Variants in PNPT1 observed in about 807,000 individuals in gnomAD.
PNPT1 encodes polyribonucleotide nucleotidyltransferase 1, mitochondrial.
In PNPT1, 53 loss-of-function variants were observed where a neutral mutation model predicts 119.5. The observed-to-expected ratio is 0.44, with a 90% CI of 0.36 to 0.56. The LOEUF is 0.56. Among genes scored for constraint, PNPT1 ranks in the 20% least tolerant of loss-of-function variants. The pLI, the probability that PNPT1 is intolerant of heterozygous loss-of-function variation, is 0.00. For synonymous variants in PNPT1, 357 were observed against 322.1 expected (o/e 1.11, Z -1.16); for missense variants, 948 against 938.5 (o/e 1.01, Z -0.13).
chr2:55,661,866 A>G (rs1250916645), intron 14 of PNPT1, 90 bp downstream of exon 14: 4 of 1,219,482 alleles, frequency 3.3e-6, no homozygotes, highest in Non-Finnish European at 4.4e-6. Flanking sequence ...GGTTAAAAAA[A>G]GTAACAATAA....
intron 1 of PNPT1, among the ~76,000 whole-genome samples, chr2:55,691,989 G>A (rs1232548905): frequency 6.8e-6 from 1 of 147,022 alleles, no homozygotes; most frequent in Non-Finnish European, 1.5e-5. Context: ...GGGTTCAACC[G>A]ATTCTCCTGC....
chr2:55,643,859 G>T (rs1355397134), intron 23 of PNPT1, among the ~76,000 whole-genome samples: 1 of 152,088 alleles, frequency 6.6e-6, no homozygotes, highest in Non-Finnish European at 1.5e-5. Context: ...ATTACTTTAG[G>T]AATGAAGGAA....
At chr2:55,684,719 G>C (rs1466800268) in intron 4 of PNPT1, among the ~76,000 whole-genome samples, 1 of 152,254 alleles carries the variant, frequency 6.6e-6, no homozygotes, top group Admixed American at 6.5e-5. Flanking sequence ...CCTATTCTGT[G>C]CTAAGCAGTA....
At chr2:55,657,356 C>A (rs929517538) in intron 15 of PNPT1, among the ~76,000 whole-genome samples, 2 of 151,738 alleles carry the variant, frequency 1.3e-5, no homozygotes, top group African/African-American at 4.8e-5. Flanking sequence ...CCCCAAATAT[C>A]TGTAATTCCA....
intron 25 of PNPT1, among the ~76,000 whole-genome samples, chr2:55,642,757 T>C (rs1257652342): frequency 1.3e-5 from 2 of 152,056 alleles, no homozygotes; most frequent in Non-Finnish European, 2.9e-5. Flanking sequence ...TGGCATGTAA[T>C]CTAAACACCT....
chr2:55,656,542 T>C (rs1696394157), intron 15 of PNPT1, among the ~76,000 whole-genome samples, 171 bp from the exon 16 acceptor site: 1 of 152,198 alleles, frequency 6.6e-6, no homozygotes, highest in Admixed American at 6.5e-5. Context: ...TTAACATACA[T>C]ACCAAATGGT....
intron 23 of PNPT1, among the ~76,000 whole-genome samples, chr2:55,644,315 GAATA>G (rs1196432585): frequency 1.3e-5 from 2 of 151,828 alleles, no homozygotes; most frequent in Non-Finnish European, 2.9e-5. Flanking sequence ...GAAAGTAGCA[GAATA>G]AAAAGAAATA....
rs1475068748 is a variant in PNPT1, at chr2:55,684,937, T to C, written c.403+6A>G. The C allele has an allele frequency of 1.3e-6, 2 of 1,560,550 alleles. No individual in the cohort carries two copies. Among genetic ancestry groups the C allele is most frequent in the Non-Finnish European group, 8.7e-7 (1 of 1,144,782 alleles). On this transcript the variant is annotated splice_donor_region_variant and intron_variant, in intron 4 of 27. Transcript: ENST00000447944. ...GAAGATGAACGCCTCTATGTTAATA[T>C]CTTACCTATTATTCGACTTGTTAGA...
intron 1 of PNPT1, among the ~76,000 whole-genome samples, chr2:55,688,762 AC>A (rs1180353586): frequency 2.8e-4 from 43 of 151,430 alleles, no homozygotes; most frequent in African/African-American, 5.3e-4. Flanking sequence ...AACAACAACA[AC>A]AACAAAAAAC....
Position 55,672,385 on chromosome 2 carries a change from CTT to C in PNPT1, c.867-341_867-340del, listed in dbSNP as rs889153486. Reference sequence around the variant, plus strand: ...TTTGGCTCCATTATCACATGAAACTCTTTTGCTAGAAAGAGTTAATTTAATTT... The same window carrying C: ...TTTGGCTCCATTATCACATGAAACTCTTGCTAGAAAGAGTTAATTTAATTT... On this transcript the variant is annotated intron_variant, in intron 9 of 27. Transcript: ENST00000447944. Among the ~76,000 whole-genome samples, 40 of 152,298 alleles carry C rather than the reference CTT, an allele frequency of 2.6e-4. 1 individual carries two copies. The highest frequency in any genetic ancestry group is 8.9e-4 in the African/African-American group (37 of 41,582).
In PNPT1 at chr2:55,634,715, C is replaced by A. The variant is rs1010133317; in HGVS notation, c.*1522G>T. 3 of 151,270 alleles carry A rather than the reference C, an allele frequency of 2.0e-5. No homozygotes were observed. The highest frequency in any genetic ancestry group is 4.4e-5 in the Non-Finnish European group (3 of 67,938). The allele number at this position is 151,270 out of a possible 1,614,324, so 9.4% of individuals were successfully genotyped here. A position where few individuals can be genotyped will look rare whatever the true frequency, so the allele number is the denominator to read the frequency against. On this transcript the variant is annotated 3_prime_UTR_variant, in exon 28 of 28. Transcript: ENST00000447944. ...GGATTACAGGCGCCCGCCACCACAC[C>A]CAGCTAATTTTTGTATTTTTAGTAG...
intron 13 of PNPT1, among the ~76,000 whole-genome samples, chr2:55,665,884 A>G (rs895609431): frequency 6.6e-6 from 1 of 152,266 alleles, no homozygotes; most frequent in African/African-American, 2.4e-5. Flanking sequence ...ATACAGATGT[A>G]GGTAAATATT....
chr2:55,668,471 C>A (rs1696807138), intron 11 of PNPT1, among the ~76,000 whole-genome samples: 2 of 152,168 alleles, frequency 1.3e-5, no homozygotes, highest in South Asian at 4.1e-4. Flanking sequence ...CTCCTGAAGT[C>A]AGGCAATCTG....
rs560334354 is a variant in PNPT1 at position 55,687,358 on chromosome 2, T to G, written c.222+287A>C. ...GGGAGGCTGAGGCAAAAGAATCGCT[T>G]GAACCCAGGAGGCAGAGGTTGCAGT... On this transcript the variant is annotated intron_variant, in intron 2 of 27. Coordinates refer to ENST00000447944, the MANE Select transcript of PNPT1 (RefSeq NM_033109.5). Among the ~76,000 whole-genome samples, 3 of 152,132 alleles carry G rather than the reference T, an allele frequency of 2.0e-5. No individual in the cohort carries two copies. In the South Asian group the frequency reaches 6.2e-4, roughly 32 times the overall value.
In PNPT1 at chr2:55,681,017, TG is replaced by T. The variant is rs1697229752; in HGVS notation, c.454-100del. On this transcript the variant is annotated intron_variant, in intron 5 of 27. Coordinates refer to ENST00000447944, the MANE Select transcript of PNPT1 (RefSeq NM_033109.5). The stretch of plus-strand genomic sequence containing the variant: ...ACTATATGGCTAAAAGCAGGGGCTT[TG>T]TAGCCAAACCTCTTAATTTTGGCTG... 5.4e-6 allele frequency: 5 copies of T among 921,862 alleles called. No homozygotes were observed. In the South Asian group the frequency reaches 7.5e-5, roughly 14 times the overall value. The allele number at this position is 921,862 out of a possible 1,614,324, so 57.1% of individuals were successfully genotyped here.
intron 11 of PNPT1, among the ~76,000 whole-genome samples, chr2:55,668,685 C>T (rs939112620): frequency 4.6e-5 from 7 of 150,632 alleles, no homozygotes; most frequent in Non-Finnish European, 7.4e-5. Context: ...CCGCAACCAT[C>T]GCCTCCTGGG....
At chr2:55,636,790 C>T (rs575672790) in intron 27 of PNPT1, among the ~76,000 whole-genome samples, 16 of 152,170 alleles carry the variant, frequency 1.1e-4, no homozygotes, top group Non-Finnish European at 2.4e-4. Flanking sequence ...AAAGGACCAA[C>T]ACATTAGTGT....
rs1251668154 is a variant in PNPT1 at position 55,634,960 on chromosome 2, G to GCACAC, written c.*1272_*1276dup. On this transcript the variant is annotated 3_prime_UTR_variant, in exon 28 of 28. Coordinates refer to ENST00000447944, the MANE Select transcript of PNPT1 (RefSeq NM_033109.5). ...GTAGCTATTCACAGGTATGATTGTT[G>GCACAC]CACACTACAGTGTCGAACTTCTGGG... 6.6e-6 allele frequency: 1 copy of GCACAC among 152,144 alleles called. No homozygotes were observed. Among genetic ancestry groups the GCACAC allele is most frequent in the African/African-American group, 2.4e-5 (1 of 41,422 alleles). 9.4% of individuals were successfully genotyped at this position (152,144 alleles called of 1,614,324 possible). A position where few individuals can be genotyped will look rare whatever the true frequency, so the allele number is the denominator to read the frequency against.
chr2:55,686,146 C>T (rs1697400264), intron 3 of PNPT1, among the ~76,000 whole-genome samples: 1 of 152,190 alleles, frequency 6.6e-6, no homozygotes, highest in African/African-American at 2.4e-5. Context: ...ATCTTCTTGT[C>T]AACTTACGCA....
Sources: gnomAD v4.1 joint callset for allele counts (sites outside exome capture counted in the v4.1 genomes callset) on GRCh38, gnomAD v4.1.1 for gene constraint, MANE v1.5 for transcripts, NCBI Gene and HGNC (gene_info 2026-07-23, HGNC 2026-07-21) for gene names.